Variants in PALS2 observed in about 807,000 individuals in gnomAD.
The protein encoded by PALS2 is protein associated with LIN7 2, MAGUK p55 family member, also known as protein PALS2.
A neutral mutation model predicts 61.6 loss-of-function variants in PALS2; 27 were observed. That is an observed-to-expected ratio of 0.44 (90% confidence interval 0.32 to 0.60). The LOEUF is 0.60. PALS2 is among the 20% of genes least tolerant of loss of function. The probability of loss-of-function intolerance (pLI) is 0.05; values close to 1 mark genes in which losing one functional copy is unlikely to be tolerated. For missense variants in PALS2, 554 were observed against 639.4 expected, an observed-to-expected ratio of 0.87 and a Z score of 1.44; for synonymous variants, 236 against 218.6, an observed-to-expected ratio of 1.08 and a Z score of -0.70.
chr7:24,579,281 ATTAG>A (rs1472163260), intron 1 of PALS2, among the ~76,000 whole-genome samples: 1 of 152,240 alleles, frequency 6.6e-6, no homozygotes, highest in Non-Finnish European at 1.5e-5. Flanking sequence ...TGAAGAGGCT[ATTAG>A]TTAACAGGGG....
At chr7:24,632,150 G>A (rs959883086) in intron 2 of PALS2, among the ~76,000 whole-genome samples, 1 of 152,126 alleles carries the variant, frequency 6.6e-6, no homozygotes. Flanking sequence ...CATTCACTAA[G>A]ATTGTTATAT....
intron 1 of PALS2, among the ~76,000 whole-genome samples, chr7:24,607,816 G>T (rs577567895): frequency 1.3e-5 from 2 of 151,844 alleles, no homozygotes; most frequent in Non-Finnish European, 1.5e-5. Context: ...GAAGTACTAG[G>T]TATCTCTAAA....
chr7:24,686,136 C>T (rs1320472527), intron 11 of PALS2, among the ~76,000 whole-genome samples: 1 of 152,158 alleles, frequency 6.6e-6, no homozygotes, highest in Non-Finnish European at 1.5e-5. Flanking sequence ...CAATTCTTGA[C>T]TCATTCATTT....
intron 1 of PALS2, among the ~76,000 whole-genome samples, chr7:24,592,125 G>A (rs1441323497): frequency 6.6e-6 from 1 of 152,108 alleles, no homozygotes; most frequent in African/African-American, 2.4e-5. Context: ...TCACCACTCT[G>A]CATATCCACT....
chr7:24,666,235 A>T, intron 8 of PALS2, 146 bp downstream of exon 8: 1 of 588,300 alleles, frequency 1.7e-6, no homozygotes, highest in Non-Finnish European at 2.9e-6. Context: ...CACATGGTGC[A>T]ATATAATATA....
intron 1 of PALS2, among the ~76,000 whole-genome samples, chr7:24,602,390 G>C (rs1293527500): frequency 6.6e-6 from 1 of 152,064 alleles, no homozygotes; most frequent in Non-Finnish European, 1.5e-5. Context: ...CATTAAGAGT[G>C]GGGGACTAAA....
Position 24,641,460 on chromosome 7 carries a change from A to G in PALS2, c.118-256A>G, listed in dbSNP as rs371722486. ...TTGTAAATAATTAGCTGACTTGTCC[A>G]GTTTTTTCATGGTTTAGTTATAAAA... is the stretch of plus-strand genomic sequence containing the variant. On this transcript the variant is annotated intron_variant, in intron 2 of 11. Transcript: ENST00000222644. 1.1e-4 allele frequency among the ~76,000 whole-genome samples: 16 copies of G among 152,214 alleles called. 1 individual carries two copies. The highest frequency in any genetic ancestry group is 7.2e-4 in the Admixed American group (11 of 15,296).
At chr7:24,605,511 ATTTAT>A (rs1175248355) in intron 1 of PALS2, among the ~76,000 whole-genome samples, 2 of 152,236 alleles carry the variant, frequency 1.3e-5, no homozygotes, top group African/African-American at 4.8e-5. Flanking sequence ...TGTTTTAGAT[ATTTAT>A]ATAAGTATAG....
At chr7:24,642,528 C>A (rs1284028770) in intron 3 of PALS2, among the ~76,000 whole-genome samples, 1 of 151,986 alleles carries the variant, frequency 6.6e-6, no homozygotes, top group Non-Finnish European at 1.5e-5. Flanking sequence ...TACATCCAGC[C>A]GTATATGGTA....
At chr7:24,631,532 A>C (rs1217856803) in intron 2 of PALS2, among the ~76,000 whole-genome samples, 1 of 152,230 alleles carries the variant, frequency 6.6e-6, no homozygotes, top group Non-Finnish European at 1.5e-5. Context: ...ATATTACATA[A>C]AGTTTAGGTG....
intron 9 of PALS2, among the ~76,000 whole-genome samples, chr7:24,671,088 A>G (rs909581286): frequency 6.6e-6 from 1 of 152,174 alleles, no homozygotes; most frequent in Non-Finnish European, 1.5e-5. Context: ...TTTAGCCTTT[A>G]GAAGAACTTC....
At chr7:24,645,231 C>T (rs1054367909) in intron 3 of PALS2, among the ~76,000 whole-genome samples, 3 of 151,868 alleles carry the variant, frequency 2.0e-5, no homozygotes, top group African/African-American at 4.8e-5. Context: ...GATGGTATTG[C>T]GCAGGTTGTC....
chr7:24,663,256 G>A (rs964102452), intron 5 of PALS2, among the ~76,000 whole-genome samples: 3 of 152,086 alleles, frequency 2.0e-5, no homozygotes, highest in Non-Finnish European at 2.9e-5. Flanking sequence ...TTGGATCATA[G>A]CATTTACTTG....
intron 1 of PALS2, among the ~76,000 whole-genome samples, chr7:24,600,787 C>T (rs1228809910): frequency 2.0e-5 from 3 of 152,110 alleles, no homozygotes; most frequent in African/African-American, 7.2e-5. Flanking sequence ...GAAACCATGT[C>T]ATCTAAGGAT....
intron 1 of PALS2, among the ~76,000 whole-genome samples, chr7:24,598,242 TACA>T (rs1783592825): frequency 1.3e-5 from 2 of 152,372 alleles, no homozygotes; most frequent in South Asian, 4.1e-4. Flanking sequence ...TGAAAAGTTC[TACA>T]ACATTTGAAA....
intron 1 of PALS2, among the ~76,000 whole-genome samples, chr7:24,599,505 C>CTTTTTTTTT (rs1159029178): frequency 6.9e-5 from 8 of 116,612 alleles, no homozygotes; most frequent in African/African-American, 2.4e-4. Flanking sequence ...CTTCTATAAG[C>CTTTTTTTTT]TTTTTTTTTT....
chr7:24,593,812 A>C (rs555804224), intron 1 of PALS2, among the ~76,000 whole-genome samples: 1 of 152,200 alleles, frequency 6.6e-6, no homozygotes, highest in African/African-American at 2.4e-5. Context: ...GTTAGAGTAG[A>C]TTTAGCATAA....
At chr7:24,592,324 C>T (rs550157828) in intron 1 of PALS2, among the ~76,000 whole-genome samples, 1 of 152,054 alleles carries the variant, frequency 6.6e-6, no homozygotes, top group Non-Finnish European at 1.5e-5. Flanking sequence ...GAATTTACAG[C>T]AGTATGAAGC....
At chr7:24,589,556 T>C (rs1783204285) in intron 1 of PALS2, 2 of 152,152 alleles carry the variant, frequency 1.3e-5, no homozygotes, top group African/African-American at 2.4e-5. Flanking sequence ...GAGACTACTT[T>C]TCTGAGTGTA....
Sources: allele counts gnomAD v4.1 joint callset (sites outside exome capture counted in the v4.1 genomes callset), GRCh38; gene constraint gnomAD v4.1.1; transcripts MANE v1.5; gene names NCBI Gene and HGNC (gene_info 2026-07-23, HGNC 2026-07-21).